The following JAM2 variants were observed in gnomAD, a reference collection of about 807,000 sequenced individuals.
The protein encoded by JAM2 is junctional adhesion molecule B.
Under a neutral mutation model 42.0 loss-of-function variants are expected in JAM2, and 17 were observed. That is an observed-to-expected ratio of 0.40 (90% CI 0.28 to 0.61). JAM2 has a LOEUF of 0.61. JAM2 is among the 20% of genes least tolerant of loss of function. The pLI is 0.37. For synonymous variants in JAM2, 118 were observed against 128.6 expected (o/e 0.92, Z 0.56); for missense variants, 319 against 358.3 (o/e 0.89, Z 0.89).
intron 1 of JAM2, among the ~76,000 whole-genome samples, chr21:25,665,320 G>A (rs1443409591): frequency 1.3e-5 from 2 of 152,144 alleles, no homozygotes; most frequent in Non-Finnish European, 2.9e-5. Flanking sequence ...AGCATTCTCA[G>A]AACAAAATAG....
At chr21:25,705,356 G>A (rs2034250183) in intron 6 of JAM2, among the ~76,000 whole-genome samples, 1 of 152,090 alleles carries the variant, frequency 6.6e-6, no homozygotes, top group African/African-American at 2.4e-5. Flanking sequence ...TCAGCCTCCT[G>A]AGTAGCTGGG....
intron 8 of JAM2, among the ~76,000 whole-genome samples, chr21:25,710,781 T>C (rs1027696222): frequency 1.3e-5 from 2 of 152,212 alleles, no homozygotes; most frequent in African/African-American, 2.4e-5. Flanking sequence ...CTGAGTAAGA[T>C]AGAAAGTCAC....
At chr21:25,674,013 A>G (rs1568900026) in intron 1 of JAM2, among the ~76,000 whole-genome samples, 1 of 152,278 alleles carries the variant, frequency 6.6e-6, no homozygotes, top group East Asian at 1.9e-4. Flanking sequence ...CCGCCATGTA[A>G]GATGTGCCTT....
chr21:25,681,043 A>G (rs887742582), intron 1 of JAM2, among the ~76,000 whole-genome samples: 3 of 152,368 alleles, frequency 2.0e-5, no homozygotes, highest in East Asian at 3.9e-4. Context: ...GGGTCAGTAG[A>G]CCACAGGAAG....
chr21:25,711,310 C>G (rs1320966808), intron 8 of JAM2: 3 of 400,416 alleles, frequency 7.5e-6, no homozygotes, highest in African/African-American at 4.2e-5. Context: ...GGTGAGCTCC[C>G]CAACGCCCTG....
chr21:25,674,939 A>G (rs1314366066), intron 1 of JAM2, among the ~76,000 whole-genome samples: 5 of 151,964 alleles, frequency 3.3e-5, no homozygotes, highest in African/African-American at 1.2e-4. Context: ...GCAACTTTTT[A>G]TATTTGTTAG....
intron 7 of JAM2, among the ~76,000 whole-genome samples, chr21:25,707,417 G>A (rs1232721713): frequency 6.6e-6 from 1 of 152,136 alleles, no homozygotes; most frequent in African/African-American, 2.4e-5. Context: ...GGGAGGTGGA[G>A]GTTGCAGTGA....
Position 25,711,021 on chromosome 21 carries a change from G to T in JAM2, c.822-1319G>T, listed in dbSNP as rs533402832. On this transcript the variant is annotated intron_variant, in intron 8 of 9. Coordinates refer to ENST00000480456, the MANE Select transcript of JAM2 (RefSeq NM_021219.4). ...TAATGTTTTAATAACTTGCTGATCTGTTGGATGTGGGCTGTGAGAGAAGCA... is the reference window on the plus strand; with the variant it reads ...TAATGTTTTAATAACTTGCTGATCTTTTGGATGTGGGCTGTGAGAGAAGCA... Among the ~76,000 whole-genome samples, 5 of 152,330 alleles carry T rather than the reference G, an allele frequency of 3.3e-5. No individual in the cohort carries two copies. The South Asian group carries it at 1.0e-3, about 32-fold the overall frequency.
chr21:25,674,916 A>G (rs959713697), intron 1 of JAM2, among the ~76,000 whole-genome samples: 3 of 152,010 alleles, frequency 2.0e-5, no homozygotes, highest in Non-Finnish European at 4.4e-5. Flanking sequence ...TTATTTGTCA[A>G]TGCCAACCCT....
chr21:25,697,007 A>ATT (rs11348784), intron 4 of JAM2, among the ~76,000 whole-genome samples: 40 of 133,324 alleles, frequency 3.0e-4, no homozygotes, highest in Middle Eastern at 4.1e-3. Flanking sequence ...GCACACACCT[A>ATT]TTTTTTTTTT....
At chr21:25,661,050 C>T (rs2033075391) in intron 1 of JAM2, among the ~76,000 whole-genome samples, 1 of 151,768 alleles carries the variant, frequency 6.6e-6, no homozygotes, top group Non-Finnish European at 1.5e-5. Context: ...CTCGGCCTCC[C>T]AGAATGCTGG....
Position 25,665,291 on chromosome 21 carries a change from T to C in JAM2, c.68-18592T>C, listed in dbSNP as rs116137650. On this transcript the variant is annotated intron_variant, in intron 1 of 9. Coordinates refer to ENST00000480456, the MANE Select transcript of JAM2 (RefSeq NM_021219.4). ...AGGTTTAAAGGCAAGTGCTTGATTA[T>C]GTAAGGTTGTTTTAGATCAGCATTC... Among the ~76,000 whole-genome samples, 744 of 152,310 alleles carry C rather than the reference T, an allele frequency of 4.9e-3. 6 individuals carry two copies. Among genetic ancestry groups the C allele is most frequent in the African/African-American group, 0.017 (713 of 41,556 alleles).
rs376843114 is a variant in JAM2 at position 25,700,677 on chromosome 21, A to G, written c.598-1493A>G. 1.2e-3 allele frequency among the ~76,000 whole-genome samples: 176 copies of G among 152,296 alleles called. 1 individual carries two copies. Among genetic ancestry groups the G allele is most frequent in the African/African-American group, 4.1e-3 (170 of 41,560 alleles). On this transcript the variant is annotated intron_variant, in intron 5 of 9. Transcript: ENST00000480456. The stretch of plus-strand genomic sequence containing the variant: ...ACCCAGCCAATTTTAATGAATTTTG[A>G]AAGGAGGATATAATGCTTCATTCCT...
At chr21:25,679,817 T>C (rs1194197651) in intron 1 of JAM2, among the ~76,000 whole-genome samples, 1 of 152,246 alleles carries the variant, frequency 6.6e-6, no homozygotes, top group Non-Finnish European at 1.5e-5. Context: ...TCTTTGTTAA[T>C]CTGCAATCCT....
At chr21:25,710,073 C>T (rs1388374803) in intron 8 of JAM2, 1 of 152,054 alleles carries the variant, frequency 6.6e-6, no homozygotes, top group Non-Finnish European at 1.5e-5. Context: ...ATGATGATTA[C>T]CCAGCCTACT....
At chr21:25,652,053 A>G (rs534256231) in intron 1 of JAM2, among the ~76,000 whole-genome samples, 3 of 152,332 alleles carry the variant, frequency 2.0e-5, no homozygotes, top group Admixed American at 2.0e-4. Context: ...AAATTCACTA[A>G]AATAGCCTTC....
chr21:25,695,746 T>G (rs534452164), intron 4 of JAM2, among the ~76,000 whole-genome samples: 1 of 141,872 alleles, frequency 7.0e-6, no homozygotes, highest in African/African-American at 2.7e-5. Flanking sequence ...TCCTCACTTC[T>G]CAGACGGGGT....
intron 1 of JAM2, among the ~76,000 whole-genome samples, chr21:25,664,375 A>G (rs1420989737): frequency 6.6e-6 from 1 of 152,146 alleles, no homozygotes; most frequent in Non-Finnish European, 1.5e-5. Flanking sequence ...AGCTGGGGCT[A>G]TAGGCGCACG....
Position 25,715,806 on chromosome 21 carries a change from C to T in JAM2, c.*1134C>T, listed in dbSNP as rs376757689. 1.9e-4 allele frequency: 29 copies of T among 152,180 alleles called. No homozygotes were observed. Among genetic ancestry groups the T allele is most frequent in the African/African-American group, 6.7e-4 (28 of 41,522 alleles). 9.4% of individuals were successfully genotyped at this position (152,180 alleles called of 1,614,324 possible). The stretch of plus-strand genomic sequence containing the variant: ...TTACAATGTGAAAATTCCAATGATC[C>T]GTTTACCAGAGCAATTAGACTATGT... On this transcript the variant is annotated 3_prime_UTR_variant, in exon 10 of 10. Transcript: ENST00000480456.
Sources: allele counts gnomAD v4.1 joint callset (sites outside exome capture counted in the v4.1 genomes callset), GRCh38; gene constraint gnomAD v4.1.1; transcripts MANE v1.5; gene names NCBI Gene and HGNC (gene_info 2026-07-23, HGNC 2026-07-21).